The following KCNIP4 variants were observed in gnomAD, a reference collection of about 807,000 sequenced individuals.
KCNIP4 encodes the protein Kv channel-interacting protein 4.
A neutral mutation model predicts 34.0 loss-of-function variants in KCNIP4; 12 were observed. The ratio of observed to expected loss-of-function variants is 0.35; its 90% CI spans 0.23 to 0.57. The LOEUF is 0.57. Among genes scored for constraint, KCNIP4 ranks in the 20% least tolerant of loss-of-function variants. The pLI is 0.83. For missense variants in KCNIP4, 238 were observed against 311.7 expected, an observed-to-expected ratio of 0.76 and a Z score of 1.78; for synonymous variants, 124 against 102.2, an observed-to-expected ratio of 1.21 and a Z score of -1.29.
At chr4:20,955,356 A>G (rs1733188569) in intron 1 of KCNIP4, among the ~76,000 whole-genome samples, 2 of 152,316 alleles carry the variant, frequency 1.3e-5, no homozygotes, top group South Asian at 4.1e-4. Flanking sequence ...GTGGGTCTCT[A>G]CTTTCCTCTT....
chr4:21,331,104 T>A (rs1360841335), intron 1 of KCNIP4, among the ~76,000 whole-genome samples: 1 of 152,176 alleles, frequency 6.6e-6, no homozygotes, highest in Non-Finnish European at 1.5e-5. Context: ...CTTAGTTAAT[T>A]GAGTCTTTCG....
intron 1 of KCNIP4, among the ~76,000 whole-genome samples, chr4:21,504,476 AAAGAAAGAAAG>A (rs1205614985): frequency 1.1e-5 from 1 of 91,526 alleles, no homozygotes; most frequent in Admixed American, 1.1e-4. Context: ...AAAAAAAAAA[AAAGAAAGAAAG>A]AAAGAAAGAA....
chr4:21,472,448 G>A lies in KCNIP4; in HGVS notation c.61+476123C>T, dbSNP rs140759726. 2.6e-5 allele frequency among the ~76,000 whole-genome samples: 4 copies of A among 152,198 alleles called. No homozygotes were observed. The East Asian group carries it at 7.7e-4, about 29-fold the overall frequency. ...TAATTGGCTGAAATGTGTGTGTGGG[G>A]GGGTTAATATTACTACAACTATCAT... is the stretch of plus-strand genomic sequence containing the variant. On this transcript the variant is annotated intron_variant, in intron 1 of 8. Transcript: ENST00000382152.
chr4:21,751,471 A>G (rs115081131), intron 1 of KCNIP4, among the ~76,000 whole-genome samples: 1,580 of 152,242 alleles, frequency 0.01, 29 homozygotes, highest in African/African-American at 0.036. Context: ...ATTATGTCTA[A>G]TATTCATTTT....
At chr4:21,307,945 CTT>C (rs1295449296) in intron 1 of KCNIP4, among the ~76,000 whole-genome samples, 1 of 152,196 alleles carries the variant, frequency 6.6e-6, no homozygotes, top group Non-Finnish European at 1.5e-5. Flanking sequence ...CCCAAAATAT[CTT>C]AAAATCACTG....
intron 1 of KCNIP4, among the ~76,000 whole-genome samples, chr4:21,329,402 C>A (rs1382039508): frequency 6.6e-6 from 1 of 152,092 alleles, no homozygotes; most frequent in Non-Finnish European, 1.5e-5. Flanking sequence ...TTGAGATTTT[C>A]TTTTCAATAG....
rs527655722 is a variant in KCNIP4 at position 20,733,520 on chromosome 4, A to AATTAT, written c.538-740_538-736dup. Among the ~76,000 whole-genome samples, 355 of 152,328 alleles carry AATTAT rather than the reference A, an allele frequency of 2.3e-3. 8 individuals carry two copies. In the South Asian group the frequency reaches 0.046, roughly 20 times the overall value. On this transcript the variant is annotated intron_variant, in intron 6 of 8. Transcript: ENST00000382152. The stretch of plus-strand genomic sequence containing the variant: ...TATATATTTACTTTTAAGAGTATTC[A>AATTAT]ATTATAAATGATAGAGTAATTTGTA...
intron 1 of KCNIP4, among the ~76,000 whole-genome samples, chr4:21,355,116 A>G (rs1718433820): frequency 6.6e-6 from 1 of 152,238 alleles, no homozygotes; most frequent in African/African-American, 2.4e-5. Flanking sequence ...GAACAAAGAC[A>G]CAATGTACCA....
chr4:21,826,213 A>G (rs538616765), intron 1 of KCNIP4, among the ~76,000 whole-genome samples: 6 of 152,290 alleles, frequency 3.9e-5, no homozygotes, highest in African/African-American at 1.2e-4. Flanking sequence ...TTTGAAATCT[A>G]CATAAGTCAT....
At chr4:20,976,478 T>C (rs1283946594) in intron 1 of KCNIP4, among the ~76,000 whole-genome samples, 1 of 152,232 alleles carries the variant, frequency 6.6e-6, no homozygotes, top group African/African-American at 2.4e-5. Context: ...TCTTCAAAGA[T>C]TGGGATTATT....
chr4:20,956,444 G>T (rs1216692837), intron 1 of KCNIP4, among the ~76,000 whole-genome samples: 2 of 151,920 alleles, frequency 1.3e-5, no homozygotes, highest in African/African-American at 2.4e-5. Context: ...GGTGGAGCTT[G>T]CAGTGAGCCG....
intron 1 of KCNIP4, among the ~76,000 whole-genome samples, chr4:21,245,752 C>G (rs1179787283): frequency 6.6e-6 from 1 of 151,990 alleles, no homozygotes; most frequent in African/African-American, 2.4e-5. Context: ...ACCCAGGTGA[C>G]CGTGCAAATC....
intron 1 of KCNIP4, among the ~76,000 whole-genome samples, chr4:21,393,425 G>A (rs527629731): frequency 6.6e-6 from 1 of 152,184 alleles, no homozygotes; most frequent in East Asian, 1.9e-4. Context: ...AGAACACTGG[G>A]CAGAGTCTAG....
chr4:21,928,420 T>C (rs1163669667), intron 1 of KCNIP4, among the ~76,000 whole-genome samples: 1 of 152,124 alleles, frequency 6.6e-6, no homozygotes, highest in Non-Finnish European at 1.5e-5. Flanking sequence ...ATATCTTTAA[T>C]AAGAGCACAA....
chr4:21,869,529 A>G (rs111766205), intron 1 of KCNIP4, among the ~76,000 whole-genome samples: 59 of 152,062 alleles, frequency 3.9e-4, no homozygotes, highest in African/African-American at 1.3e-3. Context: ...CAAGTCCCCT[A>G]TTTCTTCCCA....
At chr4:21,590,327 T>C (rs1056463970) in intron 1 of KCNIP4, among the ~76,000 whole-genome samples, 2 of 151,988 alleles carry the variant, frequency 1.3e-5, no homozygotes, top group Non-Finnish European at 2.9e-5. Context: ...TAGACCTTAT[T>C]TGGCAAGAAA....
intron 1 of KCNIP4, among the ~76,000 whole-genome samples, chr4:21,477,257 G>C (rs1731063525): frequency 1.3e-5 from 2 of 152,174 alleles, no homozygotes; most frequent in South Asian, 4.1e-4. Context: ...CAGCTCCCTA[G>C]GGCAACTTTG....
intron 1 of KCNIP4, among the ~76,000 whole-genome samples, chr4:21,043,980 G>A (rs1283399069): frequency 6.6e-6 from 1 of 152,042 alleles, no homozygotes; most frequent in African/African-American, 2.4e-5. Context: ...GGTGGATTAG[G>A]AATACAATGG....
intron 1 of KCNIP4, among the ~76,000 whole-genome samples, chr4:21,630,794 G>A (rs1041231773): frequency 6.6e-5 from 10 of 152,074 alleles, no homozygotes; most frequent in African/African-American, 1.9e-4. Context: ...CTAGACGCCC[G>A]CAAGAAAGAG....
Sources: gnomAD v4.1 joint callset for allele counts (sites outside exome capture counted in the v4.1 genomes callset) on GRCh38, gnomAD v4.1.1 for gene constraint, MANE v1.5 for transcripts, NCBI Gene and HGNC (gene_info 2026-07-23, HGNC 2026-07-21) for gene names.